The following BRDT variants were observed in gnomAD, a reference collection of about 807,000 sequenced individuals.
BRDT encodes bromodomain testis-specific protein.
A neutral mutation model predicts 113.9 loss-of-function variants in BRDT; 77 were observed. The ratio of observed to expected loss-of-function variants is 0.68; its 90% confidence interval spans 0.56 to 0.82. BRDT has a LOEUF of 0.82. Ranked by LOEUF, BRDT falls within the 40% of genes least tolerant of loss-of-function variation. BRDT has a pLI of 0.00. For missense variants in BRDT, 1,027 were observed against 1,105.4 expected (o/e 0.93, Z 1.01); for synonymous variants, 358 against 366.5 (o/e 0.98, Z 0.26).
In BRDT at chr1:91,949,595, T is replaced by C. The variant is rs945853046; in HGVS notation, c.-125T>C. 6.6e-6 allele frequency: 1 copy of C among 151,950 alleles called. No homozygotes were observed. The highest frequency in any genetic ancestry group is 2.4e-5 in the African/African-American group (1 of 41,326). 9.4% of individuals were successfully genotyped at this position (151,950 alleles called of 1,614,324 possible). A position where few individuals can be genotyped will look rare whatever the true frequency, so the allele number is the denominator to read the frequency against. ...GCCTTGGGTGGGAACAACCGTTTTT[T>C]CCCCCCTCTCCCCTCCCCGACCCCA... On this transcript the variant is annotated 5_prime_UTR_variant, in exon 1 of 19. Transcript: ENST00000399546.
chr1:91,973,008 C>T (rs1228123271), intron 4 of BRDT, among the ~76,000 whole-genome samples: 1 of 151,970 alleles, frequency 6.6e-6, no homozygotes, highest in African/African-American at 2.4e-5. Context: ...ATAGGTAGAG[C>T]GAAAATGTTA....
chr1:92,006,446 CTTTTGTTT>C (rs1217751540), intron 18 of BRDT, among the ~76,000 whole-genome samples: 1 of 151,084 alleles, frequency 6.6e-6, no homozygotes, highest in Non-Finnish European at 1.5e-5. Flanking sequence ...TGGGAGCTTG[CTTTTGTTT>C]GTTTGTTTGT....
At chr1:92,004,102 CT>C (rs759101774) in intron 16 of BRDT, among the ~76,000 whole-genome samples, 1 of 152,020 alleles carries the variant, frequency 6.6e-6, no homozygotes, top group Non-Finnish European at 1.5e-5. Context: ...CTTGATTACA[CT>C]GAGGGATTTA....
chr1:91,959,409 CTT>C (rs1370495464), intron 1 of BRDT, among the ~76,000 whole-genome samples: 1 of 115,038 alleles, frequency 8.7e-6, no homozygotes, highest in Admixed American at 1.3e-4. Context: ...CGATTTTTCT[CTT>C]TTTCTTTCTT....
intron 3 of BRDT, 148 bp from the exon 4 acceptor site, chr1:91,967,998 A>G: frequency 1.4e-6 from 1 of 695,728 alleles, no homozygotes; most frequent in Non-Finnish European, 2.2e-6. Context: ...ATAAAATGTG[A>G]GCAGCTTCAC....
chr1:92,011,338 G>T (rs1430233116), intron 18 of BRDT, among the ~76,000 whole-genome samples: 1 of 152,158 alleles, frequency 6.6e-6, no homozygotes, highest in East Asian at 1.9e-4. Context: ...CACGGGAAAT[G>T]TAGCTAATGC....
chr1:91,967,179 T>C (rs1475165021), intron 3 of BRDT, among the ~76,000 whole-genome samples: 4 of 152,162 alleles, frequency 2.6e-5, no homozygotes, highest in Non-Finnish European at 1.5e-5. Context: ...AGTCAAACCA[T>C]GAGACACTTT....
chr1:91,994,203 C>T lies in BRDT; in HGVS notation c.2236C>T (p.His746Tyr), dbSNP rs753592765. The change falls in exon 15 of 19, where the codon CAT (histidine) becomes TAT (tyrosine). Residue 746 changes from histidine to tyrosine, a missense_variant. His to Tyr is a moderately conservative substitution (Grantham distance 83, BLOSUM62 2). Transcript: ENST00000399546. ...AGCATTTAATTATCAAGAATTAGAA[C>T]ATTTACAGACTGTGAAAAACATTTC... ...QLAFNYQELEHLQTVKNISPL... is the reference protein window; with the variant it reads ...QLAFNYQELEYLQTVKNISPL... 1 of 1,612,686 alleles carries T rather than the reference C, an allele frequency of 6.2e-7. No homozygotes were observed. Among genetic ancestry groups the T allele is most frequent in the East Asian group, 2.2e-5 (1 of 44,814 alleles).
Position 91,980,880 on chromosome 1 carries a change from T to C in BRDT, c.1461-9T>C, listed in dbSNP as rs1428178199. 6.3e-7 allele frequency: 1 copy of C among 1,595,786 alleles called. No homozygotes were observed. The highest frequency in any genetic ancestry group is 8.5e-7 in the Non-Finnish European group (1 of 1,174,622). ...CGATAAGTTGGACTAAATTTAGTTT[T>C]TGTTACAGTCAGCCAAAGAAAAGGA... On this transcript the variant is annotated splice_polypyrimidine_tract_variant and intron_variant, in intron 9 of 18. Coordinates refer to ENST00000399546, the MANE Select transcript of BRDT (RefSeq NM_207189.4).
intron 14 of BRDT, among the ~76,000 whole-genome samples, chr1:91,993,308 T>C (rs1685969859): frequency 6.6e-6 from 1 of 152,240 alleles, no homozygotes; most frequent in African/African-American, 2.4e-5. Flanking sequence ...TATTTATCTC[T>C]GTACCATCTA....
intron 18 of BRDT, among the ~76,000 whole-genome samples, chr1:92,006,813 A>C (rs1687356850): frequency 7.2e-6 from 1 of 138,370 alleles, no homozygotes; most frequent in Admixed American, 7.3e-5. Context: ...TTGAGACAGA[A>C]TTTTGCTCTT....
intron 8 of BRDT, among the ~76,000 whole-genome samples, chr1:91,980,132 C>T (rs1455379905): frequency 1.3e-5 from 2 of 152,152 alleles, no homozygotes; most frequent in Non-Finnish European, 2.9e-5. Context: ...ACCAACCAGG[C>T]ACCGTGGCTC....
chr1:91,964,208 G>A (rs1466149576), intron 2 of BRDT, among the ~76,000 whole-genome samples: 1 of 152,170 alleles, frequency 6.6e-6, no homozygotes, highest in African/African-American at 2.4e-5. Flanking sequence ...TTACAGGCAC[G>A]CATCATCACA....
chr1:91,992,386 A>G (rs955049530), intron 14 of BRDT, 72 bp downstream of exon 14: 1 of 778,024 alleles, frequency 1.3e-6, no homozygotes, highest in South Asian at 2.0e-5. Flanking sequence ...CTTACTTTTT[A>G]AAATAAGTAA....
chr1:92,003,268 C>T (rs1687016799), intron 16 of BRDT, among the ~76,000 whole-genome samples: 1 of 152,152 alleles, frequency 6.6e-6, no homozygotes. Context: ...CATACATTTT[C>T]TTTTGCCTTA....
At chr1:91,999,864 C>T (rs913277202) in intron 15 of BRDT, among the ~76,000 whole-genome samples, 5 of 152,280 alleles carry the variant, frequency 3.3e-5, no homozygotes, top group Non-Finnish European at 7.4e-5. Context: ...CTGAATTCCC[C>T]CTTTTAGTCC....
intron 1 of BRDT, among the ~76,000 whole-genome samples, chr1:91,961,099 T>G (rs770660948): frequency 1.3e-5 from 2 of 152,060 alleles, no homozygotes; most frequent in Non-Finnish European, 2.9e-5. Context: ...TCACCTGAGG[T>G]CAGGAGTTCC....
chr1:91,952,202 C>T (rs183577833), intron 1 of BRDT: 147 of 152,250 alleles, frequency 9.7e-4, no homozygotes, highest in African/African-American at 3.3e-3. Flanking sequence ...TGCAGATGTT[C>T]CTGGGAGGTC....
intron 1 of BRDT, among the ~76,000 whole-genome samples, chr1:91,960,952 T>A (rs971102391): frequency 6.6e-6 from 1 of 152,242 alleles, no homozygotes; most frequent in African/African-American, 2.4e-5. Flanking sequence ...TTAAAATATT[T>A]TATTCTAGAT....
Sources: allele counts gnomAD v4.1 joint callset (sites outside exome capture counted in the v4.1 genomes callset), GRCh38; gene constraint gnomAD v4.1.1; transcripts MANE v1.5; gene names NCBI Gene and HGNC (gene_info 2026-07-23, HGNC 2026-07-21).